The following SLC1A6 variants were observed in gnomAD, a reference collection of about 807,000 sequenced individuals.
SLC1A6 encodes excitatory amino acid transporter 4.
Under a neutral mutation model 42.1 loss-of-function variants are expected in SLC1A6, and 15 were observed. The observed-to-expected ratio is 0.36, with a 90% CI of 0.24 to 0.55. The LOEUF is 0.55. Ranked by LOEUF, SLC1A6 falls within the 20% of genes least tolerant of loss-of-function variation. The probability of loss-of-function intolerance (pLI) is 0.88; values close to 1 mark genes in which losing one functional copy is unlikely to be tolerated. For synonymous variants in SLC1A6, 317 were observed against 319.7 expected (o/e 0.99, Z 0.09); for missense variants, 542 against 772.5 (o/e 0.70, Z 3.54).
intron 1 of SLC1A6, among the ~76,000 whole-genome samples, chr19:15,010,003 C>A (rs1326896592): frequency 8.7e-6 from 1 of 114,892 alleles, no homozygotes; most frequent in South Asian, 3.4e-4. Flanking sequence ...CATGGCGAAA[C>A]CCCGTCTCTA....
At chr19:14,982,224 C>T (rs1186968307), upstream of SLC1A6, among the ~76,000 whole-genome samples, 3 of 152,032 alleles carry the variant, frequency 2.0e-5, no homozygotes, top group African/African-American at 7.3e-5. Context: ...TATGGGCTTT[C>T]GCTAATAATA....
In SLC1A6 at chr19:14,950,168, C is replaced by G; in HGVS notation, c.*27G>C. The G allele has an allele frequency of 6.8e-7, 1 of 1,467,964 alleles. No individual in the cohort carries two copies. The highest frequency in any genetic ancestry group is 9.1e-7 in the Non-Finnish European group (1 of 1,101,958). The allele number at this position is 1,467,964 out of a possible 1,614,324, so 90.9% of individuals were successfully genotyped here. A position where few individuals can be genotyped will look rare whatever the true frequency, so the allele number is the denominator to read the frequency against. On this transcript the variant is annotated 3_prime_UTR_variant, in exon 10 of 10. Coordinates refer to ENST00000594383, the MANE Select transcript of SLC1A6 (RefSeq NM_005071.3). ...CCCCTCCCCAGCCCCCTTCCCTCCT[C>G]TCTGGGGGGGCAGAGCTGGAGGCCC...
At position 14,968,327 on chromosome 19, in the gene SLC1A6, G is replaced by C; in HGVS notation, c.524C>G (p.Ala175Gly). ...REGRIETIPT[A>G]DAFMDLIRNM... ...CCTGATCAGGTCCATGAAGGCATCA[G>C]CTGTGGGGATGGTCTCGATCCGGCC... Residue 175 changes from alanine (A) to glycine (G), a missense_variant, in exon 4 of 10, where the codon GCT (alanine) becomes GGT (glycine). Physicochemically the swap from Ala to Gly is moderately conservative, Grantham distance 60. Transcript: ENST00000594383. 3 of 1,613,570 alleles carry C rather than the reference G, an allele frequency of 1.9e-6. No individual in the cohort carries two copies. Among genetic ancestry groups the C allele is most frequent in the Non-Finnish European group, 2.5e-6 (3 of 1,179,804 alleles).
chr19:14,968,217 T>C, intron 4 of SLC1A6, 86 bp downstream of exon 4: 2 of 1,106,958 alleles, frequency 1.8e-6, no homozygotes, highest in South Asian at 1.5e-5. Flanking sequence ...GCCTGTGGGA[T>C]GACCTCTTTG....
rs779205790 is a variant in SLC1A6, at chr19:14,972,754, G to A, written c.157C>T (p.Leu53=). The A allele has an allele frequency of 7.4e-6, 12 of 1,614,048 alleles. No individual in the cohort carries two copies. In the South Asian group the frequency reaches 1.2e-4, roughly 16 times the overall value. ...TMTLEHVLRF[L]RRNAFILLTV... The stretch of plus-strand genomic sequence containing the variant: ...AGCAGAATGAAGGCGTTTCGGCGCA[G>A]GAAGCGCAGCACGTGCTCGAGGGTC... The change falls in exon 2 of 10, where the codon CTG becomes TTG. Residue 53 remains leucine, a synonymous_variant. Transcript: ENST00000594383.
chr19:14,969,122 G>A (rs1285944116), intron 3 of SLC1A6, among the ~76,000 whole-genome samples: 2 of 152,162 alleles, frequency 1.3e-5, no homozygotes, highest in Non-Finnish European at 2.9e-5. Context: ...TTACAGGCAT[G>A]AGCCACTGCG....
intron 1 of SLC1A6, among the ~76,000 whole-genome samples, chr19:15,003,326 G>T (rs1224425229): frequency 6.6e-6 from 1 of 152,172 alleles, no homozygotes; most frequent in Non-Finnish European, 1.5e-5. Flanking sequence ...CATAGACACA[G>T]GTCCTTGTCA....
chr19:14,994,384 C>T (rs542324488), intron 1 of SLC1A6, among the ~76,000 whole-genome samples: 1 of 152,282 alleles, frequency 6.6e-6, no homozygotes, highest in South Asian at 2.1e-4. Flanking sequence ...TAACAGCTCC[C>T]TCCCCTCTCT....
intron 1 of SLC1A6, among the ~76,000 whole-genome samples, chr19:14,975,821 CAAA>C (rs2045700377): frequency 1.4e-5 from 1 of 70,432 alleles, no homozygotes; most frequent in African/African-American, 6.6e-5. Context: ...GGGAAGGGGA[CAAA>C]GGGAAGGGAA....
chr19:14,962,497 C>G (rs1215506957), intron 5 of SLC1A6, 152 bp from the exon 6 acceptor site: 2 of 621,262 alleles, frequency 3.2e-6, no homozygotes, highest in African/African-American at 3.7e-5. Flanking sequence ...TCGACTATCA[C>G]TCATTCAGCA....
intron 7 of SLC1A6, among the ~76,000 whole-genome samples, chr19:14,954,574 G>C (rs2045444436): frequency 6.6e-6 from 1 of 151,894 alleles, no homozygotes; most frequent in South Asian, 2.1e-4. Flanking sequence ...GTGAGGAAGA[G>C]CTGAGAATAG....
In SLC1A6 at chr19:14,972,725, C is replaced by A. The variant is rs922543739; in HGVS notation, c.186G>T (p.Thr62=). The A allele has an allele frequency of 1.2e-5, 19 of 1,613,946 alleles. No individual in the cohort carries two copies. The highest frequency in any genetic ancestry group is 1.6e-4 in the Middle Eastern group (1 of 6,062). The change falls in exon 2 of 10, where the codon ACG becomes ACT. Residue 62 remains threonine, a synonymous_variant. Coordinates refer to ENST00000594383, the MANE Select transcript of SLC1A6 (RefSeq NM_005071.3). ...GCTCACCAATGACCACGGCGCTGAC[C>A]GTCAGCAGAATGAAGGCGTTTCGGC... ...FLRRNAFILL[T]VSAVVIGVSL...
intron 5 of SLC1A6, among the ~76,000 whole-genome samples, chr19:14,963,801 T>C (rs1010873983): frequency 6.6e-6 from 1 of 150,960 alleles, no homozygotes; most frequent in African/African-American, 2.4e-5. Context: ...CCTCTAGCCC[T>C]GTGCTCAGGA....
At chr19:14,982,058 TAA>T (rs144179383), upstream of SLC1A6, among the ~76,000 whole-genome samples, 10 of 139,432 alleles carry the variant, frequency 7.2e-5, no homozygotes, top group African/African-American at 2.6e-4. Flanking sequence ...ACCCTGTCTC[TAA>T]AAAAAAAAAT....
At chr19:14,950,671 T>C (rs1445706160) in intron 9 of SLC1A6, among the ~76,000 whole-genome samples, 1 of 151,974 alleles carries the variant, frequency 6.6e-6, no homozygotes, top group Non-Finnish European at 1.5e-5. Context: ...GATCATATCA[T>C]TAAAAAGATA....
At chr19:14,987,113 G>T (rs1411931349) in intron 1 of SLC1A6, among the ~76,000 whole-genome samples, 1 of 152,096 alleles carries the variant, frequency 6.6e-6, no homozygotes, top group Non-Finnish European at 1.5e-5. Context: ...TGCCACACCT[G>T]GGGATTTGCA....
rs56317513 is a variant in SLC1A6, at chr19:14,979,050, T to TCACACACACACACA, written c.-8+245_-8+258dup. Among the ~76,000 whole-genome samples the TCACACACACACACA allele has an allele frequency of 1.7e-3, 226 of 131,396 alleles. No individual in the cohort carries two copies. The highest frequency in any genetic ancestry group is 3.4e-3 in the East Asian group (14 of 4,160). The allele number at this position is 131,396 out of a possible 152,430, so 86.2% of individuals were successfully genotyped here. A position where few individuals can be genotyped will look rare whatever the true frequency, so the allele number is the denominator to read the frequency against. ...CAAATTCAGTCTCTCTCTCTCTCTG[T>TCACACACACACACA]CACACACACACACACACACACACAC... On this transcript the variant is annotated intron_variant, in intron 1 of 9. Coordinates refer to ENST00000594383, the MANE Select transcript of SLC1A6 (RefSeq NM_005071.3). The surrounding 1 kb of genome is among the most constrained non-coding windows in gnomAD (Gnocchi z 4.2).
intron 3 of SLC1A6, among the ~76,000 whole-genome samples, chr19:14,971,271 C>T (rs1271596711): frequency 6.6e-6 from 1 of 152,084 alleles, no homozygotes; most frequent in East Asian, 1.9e-4. Flanking sequence ...TACTATCCAG[C>T]CCTCTAAAGC....
intron 1 of SLC1A6, chr19:14,976,962 A>C (rs1859384): frequency 6.6e-6 from 1 of 150,886 alleles, no homozygotes; most frequent in Admixed American, 6.7e-5. Context: ...CAAATTCCCA[A>C]TGCCAAGCCC....
Sources: gnomAD v4.1 joint callset for allele counts (sites outside exome capture counted in the v4.1 genomes callset) on GRCh38, gnomAD v4.1.1 for gene constraint, Gnocchi (gnomAD v3.1) non-coding constraint, MANE v1.5 for transcripts, NCBI Gene and HGNC (gene_info 2026-07-23, HGNC 2026-07-21) for gene names.